CCSER1: variants seen among roughly 807,000 people sequenced by gnomAD.
CCSER1 encodes the protein coiled-coil serine rich protein 1.
In CCSER1, 41 loss-of-function variants were observed where a neutral mutation model predicts 82.0. The observed-to-expected ratio is 0.50, with a 90% CI of 0.39 to 0.65. The LOEUF is 0.65. Ranked by LOEUF, CCSER1 falls within the 30% of genes least tolerant of loss-of-function variation. The pLI, the probability that CCSER1 is intolerant of heterozygous loss-of-function variation, is 0.00. For missense variants in CCSER1, 1,119 were observed against 1,064.2 expected (o/e 1.05, Z -0.72); for synonymous variants, 414 against 383.9 (o/e 1.08, Z -0.92).
At chr4:90,297,669 T>A (rs1027998172) in intron 1 of CCSER1, among the ~76,000 whole-genome samples, 5 of 151,526 alleles carry the variant, frequency 3.3e-5, no homozygotes, top group Admixed American at 6.6e-5. Flanking sequence ...ATACATCCCA[T>A]CAACACCTAA....
At chr4:90,807,694 A>C (rs1180897529) in intron 7 of CCSER1, among the ~76,000 whole-genome samples, 2 of 152,258 alleles carry the variant, frequency 1.3e-5, no homozygotes, top group Middle Eastern at 3.4e-3. Flanking sequence ...AAGGAGATGA[A>C]AGAGCTCTGT....
intron 10 of CCSER1, among the ~76,000 whole-genome samples, chr4:91,431,530 C>T (rs545818665): frequency 7.2e-5 from 11 of 151,976 alleles, no homozygotes; most frequent in African/African-American, 2.4e-4. Context: ...TGCAATGGTG[C>T]GATCTTGGCT....
At chr4:90,610,337 C>G (rs966235856) in intron 5 of CCSER1, among the ~76,000 whole-genome samples, 1 of 151,576 alleles carries the variant, frequency 6.6e-6, no homozygotes, top group African/African-American at 2.4e-5. Flanking sequence ...TACAAAAGAT[C>G]GCAAGGAATC....
chr4:91,330,953 G>C (rs543645463), intron 10 of CCSER1, among the ~76,000 whole-genome samples: 1 of 152,236 alleles, frequency 6.6e-6, no homozygotes, highest in African/African-American at 2.4e-5. Context: ...TTCAGCCTGG[G>C]ACATGAATCA....
intron 1 of CCSER1, among the ~76,000 whole-genome samples, chr4:90,287,824 T>G (rs1730182396): frequency 1.3e-5 from 2 of 151,948 alleles, no homozygotes; most frequent in Admixed American, 1.3e-4. Flanking sequence ...TGAAACTTTA[T>G]GTATTTATGT....
intron 10 of CCSER1, among the ~76,000 whole-genome samples, chr4:91,525,255 C>G (rs1383145694): frequency 2.0e-5 from 3 of 152,040 alleles, no homozygotes; most frequent in Admixed American, 2.0e-4. Flanking sequence ...AAAGGCTTCT[C>G]TTACAAAAGG....
intron 3 of CCSER1, among the ~76,000 whole-genome samples, chr4:90,382,055 T>A (rs1374410212): frequency 2.6e-5 from 4 of 152,074 alleles, no homozygotes. Context: ...GAAACAATAT[T>A]TCAATTTTGT....
chr4:91,543,581 G>T (rs184335201), intron 10 of CCSER1, among the ~76,000 whole-genome samples: 1 of 152,242 alleles, frequency 6.6e-6, no homozygotes, highest in Admixed American at 6.5e-5. Flanking sequence ...GGCTGGATAT[G>T]AAATCTGAGT....
At chr4:90,186,279 T>C (rs897457226) in intron 1 of CCSER1, among the ~76,000 whole-genome samples, 4 of 152,006 alleles carry the variant, frequency 2.6e-5, no homozygotes, top group African/African-American at 2.4e-5. Flanking sequence ...TCAAGAGATA[T>C]GTGTCAGGTT....
chr4:90,893,397 A>C (rs1026357990), intron 8 of CCSER1, among the ~76,000 whole-genome samples: 1 of 152,046 alleles, frequency 6.6e-6, no homozygotes, highest in African/African-American at 2.4e-5. Flanking sequence ...GTCAGCCCCC[A>C]CATACTTTCA....
chr4:90,726,381 T>G (rs747226719), intron 7 of CCSER1, among the ~76,000 whole-genome samples: 16 of 151,960 alleles, frequency 1.1e-4, no homozygotes, highest in Non-Finnish European at 2.2e-4. Context: ...TATTCTTGAA[T>G]GTTAGATAAG....
chr4:90,536,056 G>A (rs1270093231), intron 5 of CCSER1, among the ~76,000 whole-genome samples: 3 of 120,674 alleles, frequency 2.5e-5, no homozygotes, highest in Admixed American at 9.9e-5. Context: ...TTTTTGAGAC[G>A]GAGTCTTGCT....
chr4:90,397,484 T>A (rs1042490088), intron 3 of CCSER1, among the ~76,000 whole-genome samples: 8 of 152,226 alleles, frequency 5.3e-5, no homozygotes, highest in African/African-American at 1.9e-4. Flanking sequence ...CATGTATGCC[T>A]CTGGATCTCA....
chr4:91,053,950 T>C (rs1293131494), intron 9 of CCSER1, among the ~76,000 whole-genome samples: 1 of 152,222 alleles, frequency 6.6e-6, no homozygotes, highest in East Asian at 1.9e-4. Flanking sequence ...TGGAGGGACA[T>C]GTGGATCAGT....
chr4:90,901,341 G>C (rs1724626727), intron 8 of CCSER1, among the ~76,000 whole-genome samples: 1 of 151,880 alleles, frequency 6.6e-6, no homozygotes, highest in Non-Finnish European at 1.5e-5. Flanking sequence ...AGTATTGTTA[G>C]CTAGTTGCTT....
intron 5 of CCSER1, among the ~76,000 whole-genome samples, chr4:90,622,918 T>C (rs1340339364): frequency 2.0e-5 from 3 of 152,116 alleles, no homozygotes; most frequent in Middle Eastern, 3.2e-3. Flanking sequence ...CCACATCCTC[T>C]CCAGCACCTG....
chr4:90,139,442 A>G (rs946692194), intron 1 of CCSER1, among the ~76,000 whole-genome samples: 2 of 152,068 alleles, frequency 1.3e-5, no homozygotes, highest in African/African-American at 4.8e-5. Context: ...TCTAGCTTTC[A>G]TGTTTTTGAA....
chr4:90,981,557 A>G (rs955298058), intron 9 of CCSER1, among the ~76,000 whole-genome samples: 2 of 151,864 alleles, frequency 1.3e-5, no homozygotes, highest in Non-Finnish European at 2.9e-5. Context: ...AAACATCACA[A>G]GGGAAAGGAT....
At chr4:90,948,976 G>A (rs201355736) in intron 9 of CCSER1, among the ~76,000 whole-genome samples, 2 of 151,984 alleles carry the variant, frequency 1.3e-5, no homozygotes, top group African/African-American at 2.4e-5. Flanking sequence ...TATAATTAGC[G>A]TAACAAGAAT....
Sources: allele counts gnomAD v4.1 joint callset (sites outside exome capture counted in the v4.1 genomes callset), GRCh38; gene constraint gnomAD v4.1.1; transcripts MANE v1.5; gene names NCBI Gene and HGNC (gene_info 2026-07-23, HGNC 2026-07-21).